IL2RB: variants seen among roughly 807,000 people sequenced by gnomAD.
The protein encoded by IL2RB is interleukin-2 receptor subunit beta.
In IL2RB, 17 loss-of-function variants were observed where a neutral mutation model predicts 44.2. That is an observed-to-expected ratio of 0.38 (90% CI 0.26 to 0.58). The LOEUF (loss-of-function observed/expected upper bound fraction) is 0.58. Ranked by LOEUF, IL2RB falls within the 20% of genes least tolerant of loss-of-function variation. The pLI is 0.63. For synonymous variants in IL2RB, 286 were observed against 297.9 expected (o/e 0.96, Z 0.41); for missense variants, 624 against 685.5 (o/e 0.91, Z 1.00).
At chr22:37,146,057 T>C (rs990542975) in intron 1 of IL2RB, among the ~76,000 whole-genome samples, 7 of 152,202 alleles carry the variant, frequency 4.6e-5, no homozygotes, top group Non-Finnish European at 8.8e-5. Flanking sequence ...GCTCTTCTCC[T>C]GTCTGACTTT....
At chr22:37,171,222 A>T (rs1444312215) in intron 1 of IL2RB, among the ~76,000 whole-genome samples, 4 of 152,118 alleles carry the variant, frequency 2.6e-5, no homozygotes, top group African/African-American at 9.7e-5. Context: ...ACCGCAGGTG[A>T]TCCACCCACC....
chr22:37,143,884 CGTGTGTGTGT>C (rs55819516), intron 2 of IL2RB, among the ~76,000 whole-genome samples, 191 bp downstream of exon 2: 12 of 139,818 alleles, frequency 8.6e-5, no homozygotes, highest in Non-Finnish European at 4.6e-5. Flanking sequence ...CTTGGAGAGG[CGTGTGTGTGT>C]GTGTGTGTGT....
In IL2RB at chr22:37,170,082, A is replaced by ATGG. The variant is rs879524940; in HGVS notation, c.-34+4875_-34+4876insCCA. 7.1e-3 allele frequency among the ~76,000 whole-genome samples: 654 copies of ATGG among 92,424 alleles called. 4 individuals are homozygous for ATGG. The highest frequency in any genetic ancestry group is 0.011 in the East Asian group (37 of 3,234). 60.6% of individuals were successfully genotyped at this position (92,424 alleles called of 152,430 possible). A position where few individuals can be genotyped will look rare whatever the true frequency, so the allele number is the denominator to read the frequency against. ...AAGGAAGGAAGGATGGGGGAGAAGG[A>ATGG]AGGAAGAATGGATGGATGGATGGAT... is the stretch of plus-strand genomic sequence containing the variant. On this transcript the variant is annotated intron_variant, in intron 1 of 5. Coordinates refer to the IL2RB transcript ENST00000429622.
intron 9 of IL2RB, among the ~76,000 whole-genome samples, chr22:37,129,907 C>T (rs995934915): frequency 6.6e-6 from 1 of 152,158 alleles, no homozygotes; most frequent in Non-Finnish European, 1.5e-5. Context: ...GCTCCCCAGG[C>T]CTCTGTGCCC....
intron 1 of IL2RB, among the ~76,000 whole-genome samples, chr22:37,144,684 C>T (rs567249200): frequency 1.3e-5 from 2 of 152,198 alleles, no homozygotes; most frequent in Admixed American, 1.3e-4. Context: ...GCGGAGTTTG[C>T]AGTGAACCGA....
chr22:37,135,586 C>T, intron 7 of IL2RB, 144 bp from the exon 8 acceptor site: 2 of 598,548 alleles, frequency 3.3e-6, no homozygotes, highest in South Asian at 3.9e-5. Flanking sequence ...TCTGCTAAGC[C>T]CATCCTCTGG....
chr22:37,131,881 C>A (rs959509884), intron 9 of IL2RB, among the ~76,000 whole-genome samples: 7 of 152,114 alleles, frequency 4.6e-5, no homozygotes, highest in African/African-American at 1.4e-4. Context: ...GGATTACAGG[C>A]ATGCACCACC....
chr22:37,162,474 G>A (rs1922916084), intron 1 of IL2RB, among the ~76,000 whole-genome samples: 1 of 152,226 alleles, frequency 6.6e-6, no homozygotes, highest in African/African-American at 2.4e-5. Flanking sequence ...GCACACACCA[G>A]TTGGCTGGCT....
At chr22:37,158,181 C>A (rs114671104) in intron 1 of IL2RB, among the ~76,000 whole-genome samples, 117 of 152,220 alleles carry the variant, frequency 7.7e-4, no homozygotes, top group African/African-American at 2.7e-3. Context: ...CAACAAAATG[C>A]GCATCCATAG....
At chr22:37,135,527 TC>T (rs1921645033) in intron 7 of IL2RB, 85 bp from the exon 8 acceptor site, 1 of 792,880 alleles carries the variant, frequency 1.3e-6, no homozygotes. Context: ...AACACCCCCA[TC>T]CAGGGCCCTG....
intron 1 of IL2RB, among the ~76,000 whole-genome samples, chr22:37,171,379 C>T (rs569997298): frequency 3.2e-4 from 48 of 152,290 alleles, no homozygotes; most frequent in African/African-American, 5.8e-4. Flanking sequence ...AAAACAAAGA[C>T]GCCTGCCCTT....
At chr22:37,137,869 C>G (rs1921787516) in intron 5 of IL2RB, 134 bp from the exon 6 acceptor site, 5 of 714,906 alleles carry the variant, frequency 7.0e-6, no homozygotes, top group Non-Finnish European at 9.4e-6. Flanking sequence ...GACCCGCTCC[C>G]TCACTGCCTC....
intron 1 of IL2RB, among the ~76,000 whole-genome samples, chr22:37,171,445 A>C (rs139590575): frequency 0.014 from 2,149 of 152,292 alleles, 64 homozygotes; most frequent in African/African-American, 0.049. Context: ...AAACATAAGG[A>C]CTAAGTAAGT....
chr22:37,143,631 A>C lies in IL2RB; in HGVS notation c.93T>G (p.Thr31=), dbSNP rs772860858. The C allele has an allele frequency of 6.2e-7, 1 of 1,612,590 alleles. No homozygotes were observed. The highest frequency in any genetic ancestry group is 1.1e-5 in the South Asian group (1 of 91,048). The change falls in exon 3 of 10, where the codon ACT becomes ACG. Residue 31 remains threonine (T), a synonymous_variant. Coordinates refer to ENST00000216223, the MANE Select transcript of IL2RB (RefSeq NM_000878.5). The part of the protein sequence containing the change: ...TSWASAAVNG[T]SQFTCFYNSR... ...AGTTGTAGAAGCATGTGAACTGGGAAGTGCCTGCCGGGCAAGATGAGGTGT... is the reference window on the plus strand; with the variant it reads ...AGTTGTAGAAGCATGTGAACTGGGACGTGCCTGCCGGGCAAGATGAGGTGT...
intron 4 of IL2RB, among the ~76,000 whole-genome samples, chr22:37,140,901 G>A (rs949160416): frequency 6.6e-6 from 1 of 152,162 alleles, no homozygotes; most frequent in Non-Finnish European, 1.5e-5. Context: ...ATACCTCTCT[G>A]AGCCTCAGTG....
chr22:37,143,393 T>C, intron 3 of IL2RB, 128 bp downstream of exon 3: 1 of 634,834 alleles, frequency 1.6e-6, no homozygotes, highest in South Asian at 2.0e-5. Flanking sequence ...ACTCCTGTGA[T>C]TCAAAAAGTC....
rs775782851 is a variant in IL2RB, at chr22:37,149,885, G to A, written c.-94C>T. ...TCCAGTCCTCCCCGGTGCTGGGACC[G>A]TGGCCATCTCTCCAGGGCCCTGCTG... On this transcript the variant is annotated 5_prime_UTR_variant, in exon 1 of 10. It adds an upstream start codon to the 5' untranslated region. Transcript: ENST00000216223. The A allele has an allele frequency of 1.0e-5, 10 of 985,538 alleles. No individual in the cohort carries two copies. Among genetic ancestry groups the A allele is most frequent in the African/African-American group, 3.5e-5 (2 of 57,190 alleles). 61.0% of individuals were successfully genotyped at this position (985,538 alleles called of 1,614,324 possible). A position where few individuals can be genotyped will look rare whatever the true frequency, so the allele number is the denominator to read the frequency against.
In IL2RB at chr22:37,159,126, G is replaced by A. The variant is rs147699436; in HGVS notation, c.-33-14921C>T. Among the ~76,000 whole-genome samples the A allele has an allele frequency of 3.0e-3, 453 of 152,252 alleles. 4 individuals carry two copies. Among genetic ancestry groups the A allele is most frequent in the Middle Eastern group, 0.014 (4 of 294 alleles). Reference sequence around the variant, plus strand: ...TTGGGCAGGTTTCACCAAAATCTGCGATCTTTCTCAGAAGACAATCTAGGT... The same window carrying A: ...TTGGGCAGGTTTCACCAAAATCTGCAATCTTTCTCAGAAGACAATCTAGGT... On this transcript the variant is annotated intron_variant, in intron 1 of 5. Transcript: ENST00000429622.
chr22:37,135,078 C>G (rs990885094), intron 8 of IL2RB, among the ~76,000 whole-genome samples: 1 of 152,132 alleles, frequency 6.6e-6, no homozygotes, highest in African/African-American at 2.4e-5. Flanking sequence ...TCCACAGGGC[C>G]CCCCTGTGGG....
Sources: gnomAD v4.1 joint callset for allele counts (sites outside exome capture counted in the v4.1 genomes callset) on GRCh38, gnomAD v4.1.1 for gene constraint, MANE v1.5 for transcripts, NCBI Gene and HGNC (gene_info 2026-07-23, HGNC 2026-07-21) for gene names.